Variants in RHOU observed in about 807,000 individuals in gnomAD.
RHOU encodes the protein rho-related GTP-binding protein RhoU.
In RHOU, 8 loss-of-function variants were observed where a neutral mutation model predicts 12.6. The ratio of observed to expected loss-of-function variants is 0.64; its 90% CI spans 0.37 to 1.15. RHOU has a LOEUF of 1.15. Among genes scored for constraint, RHOU ranks in the 50% most tolerant of loss-of-function variants. The pLI is 0.01. For synonymous variants in RHOU, 161 were observed against 147.4 expected (o/e 1.09, Z -0.67); for missense variants, 258 against 347.0 (o/e 0.74, Z 2.04).
At position 228,737,622 on chromosome 1, in the gene RHOU, G is replaced by A. The variant is rs996153168; in HGVS notation, c.263-51G>A. On this transcript the variant is annotated intron_variant, in intron 1 of 2. Coordinates refer to ENST00000366691, the MANE Select transcript of RHOU (RefSeq NM_021205.6). This position sits in a 1 kb window ranked among gnomAD's most constrained non-coding sequence, Gnocchi z 4.1. The stretch of plus-strand genomic sequence containing the variant: ...TGAAAGCTAAAACTATTAGTATTCC[G>A]AAAGGGGTTAAAAGACACCTCCTGA... 19 of 1,543,892 alleles carry A rather than the reference G, an allele frequency of 1.2e-5. No individual in the cohort carries two copies. The highest frequency in any genetic ancestry group is 1.4e-5 in the Non-Finnish European group (16 of 1,116,046).
At chr1:228,733,340 C>T (rs1662529678), upstream of RHOU, among the ~76,000 whole-genome samples, 1 of 152,218 alleles carries the variant, frequency 6.6e-6, no homozygotes, top group Admixed American at 6.5e-5. Context: ...GACAGTGTCT[C>T]ACTCTCGCCC....
At chr1:228,736,260 C>CAAAAAAA (rs1204392489) in intron 1 of RHOU, among the ~76,000 whole-genome samples, 1 of 70,888 alleles carries the variant, frequency 1.4e-5, no homozygotes, top group East Asian at 5.2e-4. Flanking sequence ...AGAGCCTTGC[C>CAAAAAAA]AAAAAAAAAA....
upstream of RHOU, among the ~76,000 whole-genome samples, chr1:228,733,022 C>T (rs1489229502): frequency 6.6e-6 from 1 of 152,028 alleles, no homozygotes; most frequent in Non-Finnish European, 1.5e-5. Context: ...AGTTGCATAC[C>T]CTTTGATCAC....
chr1:228,733,968 G>C (rs924404099), upstream of RHOU, among the ~76,000 whole-genome samples: 17 of 152,208 alleles, frequency 1.1e-4, no homozygotes, highest in East Asian at 2.9e-3. Flanking sequence ...TATTGCCTCT[G>C]AATGCTCAAT....
the RHOU span, among the ~76,000 whole-genome samples, chr1:228,658,108 T>C: frequency 2.0e-5 from 3 of 151,762 alleles, no homozygotes; most frequent in Non-Finnish European, 4.4e-5. Flanking sequence ...GGGAAAACCT[T>C]GTCTCTACAA....
the RHOU span, among the ~76,000 whole-genome samples, chr1:228,702,933 G>A: frequency 6.6e-6 from 1 of 152,084 alleles, no homozygotes; most frequent in African/African-American, 2.4e-5. Context: ...GTAGTTGTTA[G>A]CTACTCCACA....
At position 228,743,531 on chromosome 1, in the gene RHOU, C is replaced by T; in HGVS notation, c.568C>T (p.Leu190=). Residue 190 remains leucine (L), a synonymous_variant, in exon 3 of 3, where the codon CTG becomes TTG. Transcript: ENST00000366691. This position sits in a 1 kb window ranked among gnomAD's most constrained non-coding sequence, Gnocchi z 5.1. The stretch of plus-strand genomic sequence containing the variant: ...GCCAGTGCCTGAAGAGGCGGCTAAG[C>T]TGTGCGCCGAGGAAATCAAAGCCGC... ...EKPVPEEAAK[L]CAEEIKAASY... is the part of the protein sequence containing the mutation. The T allele has an allele frequency of 6.2e-7, 1 of 1,614,192 alleles. No individual in the cohort carries two copies. Among genetic ancestry groups the T allele is most frequent in the Non-Finnish European group, 8.5e-7 (1 of 1,180,042 alleles).
chr1:228,710,797 G>A, the RHOU span, among the ~76,000 whole-genome samples: 2 of 152,054 alleles, frequency 1.3e-5, no homozygotes, highest in African/African-American at 4.8e-5. Flanking sequence ...CATAGTGTTG[G>A]AAGTTCTGGC....
rs1369342673 is a variant in RHOU, at chr1:228,744,168, A to G, written c.*428A>G. The G allele has an allele frequency of 6.4e-6, 1 of 155,624 alleles. No homozygotes were observed. Among genetic ancestry groups the G allele is most frequent in the African/African-American group, 2.4e-5 (1 of 41,492 alleles). The allele number at this position is 155,624 out of a possible 1,614,324, so 9.6% of individuals were successfully genotyped here. ...CACAGTGCATTATGTACACAGGTCA[A>G]CCATGGTAACAATAGTTCTTAGCTT... On this transcript the variant is annotated 3_prime_UTR_variant, in exon 3 of 3. Coordinates refer to ENST00000366691, the MANE Select transcript of RHOU (RefSeq NM_021205.6).
rs535330170 is a variant in RHOU at position 228,737,575 on chromosome 1, G to T, written c.263-98G>T. 2 of 1,169,626 alleles carry T rather than the reference G, an allele frequency of 1.7e-6. No homozygotes were observed. The highest frequency in any genetic ancestry group is 1.5e-5 in the African/African-American group (1 of 66,230). 72.5% of individuals were successfully genotyped at this position (1,169,626 alleles called of 1,614,324 possible). ...TAGAGGACCTAAAATAGGAGCAAAG[G>T]GGTTTGGAGTGAGAATGATAGTGAA... On this transcript the variant is annotated intron_variant, in intron 1 of 2. Transcript: ENST00000366691. This position sits in a 1 kb window ranked among gnomAD's most constrained non-coding sequence, Gnocchi z 4.1.
At chr1:228,646,801 C>T in the RHOU span, among the ~76,000 whole-genome samples, 1 of 151,796 alleles carries the variant, frequency 6.6e-6, no homozygotes, top group Non-Finnish European at 1.5e-5. Flanking sequence ...TGCGCAGACG[C>T]ACGCACACAC....
At position 228,743,210 on chromosome 1, in the gene RHOU, A is replaced by C; in HGVS notation, c.322-75A>C. On this transcript the variant is annotated intron_variant, in intron 2 of 2. Coordinates refer to ENST00000366691, the MANE Select transcript of RHOU (RefSeq NM_021205.6). This position sits in a 1 kb window ranked among gnomAD's most constrained non-coding sequence, Gnocchi z 5.1. ...CTATCACCTGCCAGACCCTTTCATGAAAAATGTGAAGGTGATCTTTTTACT... is the reference window on the plus strand; with the variant it reads ...CTATCACCTGCCAGACCCTTTCATGCAAAATGTGAAGGTGATCTTTTTACT... 1 of 1,358,312 alleles carries C rather than the reference A, an allele frequency of 7.4e-7. No individual in the cohort carries two copies. Among genetic ancestry groups the C allele is most frequent in the Non-Finnish European group, 1.0e-6 (1 of 962,870 alleles). The allele number at this position is 1,358,312 out of a possible 1,614,324, so 84.1% of individuals were successfully genotyped here.
chr1:228,733,117 ACAGCCT>A (rs1430533353), upstream of RHOU, among the ~76,000 whole-genome samples: 1 of 152,226 alleles, frequency 6.6e-6, no homozygotes, highest in Non-Finnish European at 1.5e-5. Context: ...TTGTACTACT[ACAGCCT>A]CATGTCCTTA....
the RHOU span, among the ~76,000 whole-genome samples, chr1:228,726,293 T>G: frequency 6.6e-6 from 1 of 152,194 alleles, no homozygotes; most frequent in Admixed American, 6.5e-5. Flanking sequence ...CAGTACAAAC[T>G]TCTTAAAACA....
chr1:228,679,461 G>T, the RHOU span, among the ~76,000 whole-genome samples: 3 of 148,166 alleles, frequency 2.0e-5, no homozygotes, highest in Non-Finnish European at 4.5e-5. Flanking sequence ...GGTCAGCTAG[G>T]TTTATCTAGA....
chr1:228,720,053 C>T, the RHOU span, among the ~76,000 whole-genome samples: 1 of 152,202 alleles, frequency 6.6e-6, no homozygotes, highest in South Asian at 2.1e-4. Context: ...AGAAGCCAGG[C>T]AAGGTGGCTC....
the RHOU span, among the ~76,000 whole-genome samples, chr1:228,694,845 GATCAA>G: frequency 6.6e-6 from 1 of 152,032 alleles, no homozygotes; most frequent in Non-Finnish European, 1.5e-5. Context: ...GGGATTGCTG[GATCAA>G]ATGGTATTTC....
chr1:228,650,910 T>C, the RHOU span: 1 of 373,256 alleles, frequency 2.7e-6, no homozygotes, highest in South Asian at 2.3e-5. Flanking sequence ...GAATGGATCC[T>C]TGTGGAAGAA....
rs1662755887 is a variant in RHOU, at chr1:228,743,014, G to A, written c.322-271G>A. Among the ~76,000 whole-genome samples the A allele has an allele frequency of 1.3e-5, 2 of 152,186 alleles. No homozygotes were observed. The highest frequency in any genetic ancestry group is 1.3e-4 in the Admixed American group (2 of 15,282). On this transcript the variant is annotated intron_variant, in intron 2 of 2. Coordinates refer to ENST00000366691, the MANE Select transcript of RHOU (RefSeq NM_021205.6). The surrounding 1 kb of genome is among the most constrained non-coding windows in gnomAD (Gnocchi z 5.1). Reference sequence around the variant, plus strand: ...GCACTTTTTCTATGTTAAGCTGTAAGTAGGTCTTGAGTGTCGATGAACACG... The same window carrying A: ...GCACTTTTTCTATGTTAAGCTGTAAATAGGTCTTGAGTGTCGATGAACACG...
Sources: gnomAD v4.1 joint callset for allele counts (sites outside exome capture counted in the v4.1 genomes callset) on GRCh38, gnomAD v4.1.1 for gene constraint, Gnocchi (gnomAD v3.1) non-coding constraint, MANE v1.5 for transcripts, NCBI Gene and HGNC (gene_info 2026-07-23, HGNC 2026-07-21) for gene names.